NR6A1: variants seen among roughly 807,000 people sequenced by gnomAD.
NR6A1 encodes the protein nuclear receptor subfamily 6 group A member 1.
A neutral mutation model predicts 59.1 loss-of-function variants in NR6A1; 7 were observed. That is an observed-to-expected ratio of 0.12 (90% CI 0.07 to 0.22). The LOEUF is 0.22. Ranked by LOEUF, NR6A1 falls within the 10% of genes least tolerant of loss-of-function variation. The pLI is 1.00. For missense variants in NR6A1, 468 were observed against 611.6 expected, an observed-to-expected ratio of 0.77 and a Z score of 2.48; for synonymous variants, 243 against 236.1, an observed-to-expected ratio of 1.03 and a Z score of -0.27.
intron 4 of NR6A1, among the ~76,000 whole-genome samples, chr9:124,540,491 A>G (rs542498701): frequency 1.8e-4 from 28 of 152,190 alleles, no homozygotes; most frequent in South Asian, 6.2e-4. Context: ...ACCACTCCTC[A>G]ATGACAATCT....
At chr9:124,542,201 A>T (rs1000445625) in intron 4 of NR6A1, among the ~76,000 whole-genome samples, 7 of 152,264 alleles carry the variant, frequency 4.6e-5, no homozygotes, top group African/African-American at 1.7e-4. Flanking sequence ...AATAAAAAAG[A>T]GCAGCTATTA....
Position 124,554,489 on chromosome 9 carries a change from A to G in NR6A1, c.224T>C (p.Ile75Thr). The change falls in exon 3 of 10, where the codon ATC becomes ACC. Residue 75 changes from isoleucine to threonine, a missense_variant. By Grantham distance (89) the Ile-to-Thr change is moderately conservative. Coordinates refer to ENST00000487099, the MANE Select transcript of NR6A1 (RefSeq NM_033334.4). ...DRATGLHYGI[I>T]SCEGCKGFFK... ...AAACCCTTTGCAGCCCTCACAGGAG[A>G]TGATCCCATAGTGCAAGCCTGTAGC... 1.2e-6 allele frequency: 2 copies of G among 1,614,150 alleles called. No individual in the cohort carries two copies. The highest frequency in any genetic ancestry group is 1.7e-6 in the Non-Finnish European group (2 of 1,180,026).
At position 124,629,316 on chromosome 9, in the gene NR6A1, CTG is replaced by C. The variant is rs529545073; in HGVS notation, c.143-74748_143-74747del. Among the ~76,000 whole-genome samples, 175 of 152,322 alleles carry C rather than the reference CTG, an allele frequency of 1.1e-3. 1 individual carries two copies. Among genetic ancestry groups the C allele is most frequent in the African/African-American group, 3.8e-3 (158 of 41,568 alleles). On this transcript the variant is annotated intron_variant, in intron 2 of 9. Coordinates refer to ENST00000487099, the MANE Select transcript of NR6A1 (RefSeq NM_033334.4). Reference sequence around the variant, plus strand: ...AGTAGAAACCAGCTGTAAAGTGAGACTGTATTTTCCTGCAACAAAGTGTGACA... The same window carrying C: ...AGTAGAAACCAGCTGTAAAGTGAGACTATTTTCCTGCAACAAAGTGTGACA...
intron 7 of NR6A1, among the ~76,000 whole-genome samples, chr9:124,528,346 C>A (rs1234906855): frequency 6.6e-6 from 1 of 152,112 alleles, no homozygotes; most frequent in African/African-American, 2.4e-5. Flanking sequence ...GTTCCACCAA[C>A]TCCATCAAAA....
At chr9:124,632,035 T>G (rs745874622) in intron 2 of NR6A1, among the ~76,000 whole-genome samples, 1 of 152,262 alleles carries the variant, frequency 6.6e-6, no homozygotes, top group African/African-American at 2.4e-5. Flanking sequence ...TATTCCATGA[T>G]GTATATGTAC....
intron 2 of NR6A1, among the ~76,000 whole-genome samples, chr9:124,718,187 C>A (rs528560507): frequency 6.6e-6 from 1 of 152,202 alleles, no homozygotes; most frequent in Admixed American, 6.5e-5. Flanking sequence ...CTGTACCATG[C>A]ACCCATGCAT....
intron 2 of NR6A1, among the ~76,000 whole-genome samples, chr9:124,563,291 A>T (rs1378486897): frequency 1.3e-5 from 2 of 152,170 alleles, no homozygotes; most frequent in African/African-American, 4.8e-5. Flanking sequence ...CTTCAGTTTC[A>T]ATTAAAGTGT....
chr9:124,620,281 G>A (rs926263574), intron 2 of NR6A1, among the ~76,000 whole-genome samples: 1 of 151,976 alleles, frequency 6.6e-6, no homozygotes, highest in Non-Finnish European at 1.5e-5. Flanking sequence ...GATTTACCAA[G>A]TTTTATACTT....
chr9:124,746,904 A>G (rs1434396266), intron 1 of NR6A1, among the ~76,000 whole-genome samples: 1 of 152,244 alleles, frequency 6.6e-6, no homozygotes, highest in African/African-American at 2.4e-5. Flanking sequence ...CATAGAAAAT[A>G]GAAAACTGAC....
intron 2 of NR6A1, among the ~76,000 whole-genome samples, chr9:124,597,686 C>CAAT (rs1399357199): frequency 6.6e-6 from 1 of 152,122 alleles, no homozygotes; most frequent in Non-Finnish European, 1.5e-5. Context: ...CTTAAGGAGA[C>CAAT]AATTAAGTTT....
chr9:124,525,918 T>C (rs2131320483), intron 8 of NR6A1, among the ~76,000 whole-genome samples: 1 of 152,274 alleles, frequency 6.6e-6, no homozygotes, highest in Non-Finnish European at 1.5e-5. Context: ...GTTTTCTCAA[T>C]GTCTTTAATG....
In NR6A1 at chr9:124,615,624, C is replaced by CTTT. The variant is rs527252555; in HGVS notation, c.143-61057_143-61055dup. The stretch of plus-strand genomic sequence containing the variant: ...CCTTGTGAAATATAAGGGTTTTTGC[C>CTTT]TTTTTTTTTTTCCCAGAATGATACA... On this transcript the variant is annotated intron_variant, in intron 2 of 9. Coordinates refer to ENST00000487099, the MANE Select transcript of NR6A1 (RefSeq NM_033334.4). 6.1e-4 allele frequency among the ~76,000 whole-genome samples: 89 copies of CTTT among 145,914 alleles called. 1 individual carries two copies. In the South Asian group the frequency reaches 0.019, roughly 31 times the overall value.
At chr9:124,653,879 T>C (rs776702672) in intron 2 of NR6A1, among the ~76,000 whole-genome samples, 2 of 152,208 alleles carry the variant, frequency 1.3e-5, no homozygotes, top group Non-Finnish European at 2.9e-5. Flanking sequence ...TTCAAGAACA[T>C]ATTATTAACC....
At chr9:124,625,853 C>T (rs1836226043) in intron 2 of NR6A1, among the ~76,000 whole-genome samples, 2 of 152,150 alleles carry the variant, frequency 1.3e-5, no homozygotes, top group South Asian at 2.1e-4. Context: ...CAGCCTCCCT[C>T]CTACAAGAGA....
chr9:124,599,569 G>T, intron 2 of NR6A1: 1 of 964,588 alleles, frequency 1.0e-6, no homozygotes, highest in Non-Finnish European at 1.4e-6. Flanking sequence ...GAGTGTCCGT[G>T]GCAGCCGCCA....
chr9:124,670,117 T>C (rs940574177), intron 2 of NR6A1, among the ~76,000 whole-genome samples: 7 of 151,714 alleles, frequency 4.6e-5, no homozygotes, highest in Admixed American at 1.3e-4. Context: ...GAGCGGTTCA[T>C]GCCTGTAATC....
At chr9:124,555,817 TCATTGCAGTGTGTGGGCTATAATAGA>T (rs1412182004) in intron 2 of NR6A1, among the ~76,000 whole-genome samples, 3 of 152,246 alleles carry the variant, frequency 2.0e-5, no homozygotes, top group Admixed American at 2.0e-4. Context: ...GATAAAGTTC[TCATTGCAGTGTGTGGGCTATAATAGA>T]CATTTGATAA....
At chr9:124,623,529 T>G (rs1185013649) in intron 2 of NR6A1, among the ~76,000 whole-genome samples, 1 of 150,160 alleles carries the variant, frequency 6.7e-6, no homozygotes, top group Non-Finnish European at 1.5e-5. Flanking sequence ...CTGGCTAATT[T>G]TTTTTTTTTT....
At chr9:124,571,995 G>C (rs1045191152) in intron 2 of NR6A1, among the ~76,000 whole-genome samples, 2 of 152,012 alleles carry the variant, frequency 1.3e-5, no homozygotes, top group Middle Eastern at 3.2e-3. Context: ...AGAACAAGAA[G>C]AGATAGAAAA....
Sources: allele counts gnomAD v4.1 joint callset (sites outside exome capture counted in the v4.1 genomes callset), GRCh38; gene constraint gnomAD v4.1.1; transcripts MANE v1.5; gene names NCBI Gene and HGNC (gene_info 2026-07-23, HGNC 2026-07-21).